CERK: variants seen among roughly 807,000 people sequenced by gnomAD.
CERK encodes the protein acylsphingosine kinase.
In CERK, 39 loss-of-function variants were observed where a neutral mutation model predicts 63.4. The ratio of observed to expected loss-of-function variants is 0.61; its 90% CI spans 0.48 to 0.80. CERK has a LOEUF of 0.80. CERK is among the 30% of genes least tolerant of loss of function. The pLI, the probability that CERK is intolerant of heterozygous loss-of-function variation, is 0.00. For missense variants in CERK, 670 were observed against 714.1 expected, an observed-to-expected ratio of 0.94 and a Z score of 0.70; for synonymous variants, 302 against 280.0, an observed-to-expected ratio of 1.08 and a Z score of -0.78.
intron 1 of CERK, among the ~76,000 whole-genome samples, chr22:46,736,334 G>A (rs999762358): frequency 4.6e-5 from 7 of 152,234 alleles, no homozygotes; most frequent in Non-Finnish European, 8.8e-5. Context: ...AGGGTCTGGC[G>A]TCTCTGCGGC....
At chr22:46,728,527 T>C (rs1050749332) in intron 1 of CERK, among the ~76,000 whole-genome samples, 3 of 152,114 alleles carry the variant, frequency 2.0e-5, no homozygotes, top group African/African-American at 7.2e-5. Flanking sequence ...GCTATGAGGA[T>C]CCCATTGGGT....
intron 7 of CERK, among the ~76,000 whole-genome samples, chr22:46,700,645 C>T (rs969950884): frequency 2.6e-5 from 4 of 151,936 alleles, no homozygotes; most frequent in South Asian, 2.1e-4. Flanking sequence ...TTCTGGAGGT[C>T]GAGGCTACAG....
At chr22:46,724,670 G>T (rs973429822) in intron 1 of CERK, among the ~76,000 whole-genome samples, 1 of 152,202 alleles carries the variant, frequency 6.6e-6, no homozygotes, top group Non-Finnish European at 1.5e-5. Flanking sequence ...GATAAAGGGT[G>T]AAAAAGTTTC....
In CERK at chr22:46,686,980, A is replaced by G. The variant is rs536120146; in HGVS notation, c.*154T>C. 4.2e-6 allele frequency: 3 copies of G among 709,534 alleles called. No individual in the cohort carries two copies. In the East Asian group the frequency reaches 8.3e-5, roughly 20 times the overall value. 44.0% of individuals were successfully genotyped at this position (709,534 alleles called of 1,614,324 possible). A position where few individuals can be genotyped will look rare whatever the true frequency, so the allele number is the denominator to read the frequency against. ...ACTGAAAATGCCAAATATGTACACAAAATTGTTGACAAAAGGGTTTTCTTC... is the reference window on the plus strand; with the variant it reads ...ACTGAAAATGCCAAATATGTACACAGAATTGTTGACAAAAGGGTTTTCTTC... On this transcript the variant is annotated 3_prime_UTR_variant, in exon 13 of 13. Coordinates refer to ENST00000216264, the MANE Select transcript of CERK (RefSeq NM_022766.6).
chr22:46,702,145 T>C (rs1193335861), intron 6 of CERK, among the ~76,000 whole-genome samples: 4 of 125,936 alleles, frequency 3.2e-5, no homozygotes, highest in African/African-American at 1.2e-4. Context: ...CGCGCCACTA[T>C]CCAGCCTGGG....
At chr22:46,737,813 G>A (rs1054979637) in intron 1 of CERK, among the ~76,000 whole-genome samples, 194 bp downstream of exon 1, 1 of 152,144 alleles carries the variant, frequency 6.6e-6, no homozygotes, top group East Asian at 1.9e-4. Context: ...GGAGCAGACG[G>A]CGGCGCACAG....
intron 8 of CERK, among the ~76,000 whole-genome samples, chr22:46,696,396 C>T (rs16995586): frequency 4.8e-4 from 73 of 152,258 alleles, no homozygotes; most frequent in African/African-American, 1.7e-3. Flanking sequence ...GTCGTGTCCA[C>T]GGCCCTGGGA....
intron 6 of CERK, among the ~76,000 whole-genome samples, chr22:46,704,263 G>A (rs748282762): frequency 5.3e-5 from 8 of 152,222 alleles, no homozygotes; most frequent in East Asian, 1.9e-4. Flanking sequence ...CTCCTGAGCC[G>A]CAGGTCTCAG....
intron 7 of CERK, 45 bp from the exon 8 acceptor site, chr22:46,699,510 C>A (rs1427764139): frequency 6.2e-7 from 1 of 1,600,014 alleles, no homozygotes; most frequent in Non-Finnish European, 8.6e-7. Context: ...CCCCTCCAGC[C>A]CCGCCCCATC....
In CERK at chr22:46,701,674, G is replaced by A. The variant is rs752339759; in HGVS notation, c.752C>T (p.Thr251Ile). 7 of 1,559,356 alleles carry A rather than the reference G, an allele frequency of 4.5e-6. No individual in the cohort carries two copies. The highest frequency in any genetic ancestry group is 6.1e-6 in the Non-Finnish European group (7 of 1,151,474). ...CAGCGCCGAGGTTTCTGCGTCGCTGGTGCCCACGGTGGAGTAACACACGCA... is the reference window on the plus strand; with the variant it reads ...CAGCGCCGAGGTTTCTGCGTCGCTGATGCCCACGGTGGAGTAACACACGCA... ...TDCVCYSTVG[T>I]SDAETSALHI... is the part of the protein sequence containing the mutation. The change falls in exon 7 of 13, where the codon ACC (threonine) becomes ATC (isoleucine). Residue 251 changes from threonine (T) to isoleucine (I), a missense_variant. Thr to Ile is a moderately conservative substitution (Grantham distance 89). Coordinates refer to ENST00000216264, the MANE Select transcript of CERK (RefSeq NM_022766.6).
rs533868660 is a variant in CERK at position 46,700,154 on chromosome 22, G to A, written c.791-689C>T. Among the ~76,000 whole-genome samples the A allele has an allele frequency of 2.6e-5, 4 of 152,126 alleles. No individual in the cohort carries two copies. The South Asian group carries it at 8.3e-4, about 31-fold the overall frequency. ...CCTGTAAGTAACCCCAGCACTTTGG[G>A]AGGCTGAGGTGGGTGGATCACCTGA... On this transcript the variant is annotated intron_variant, in intron 7 of 12. Transcript: ENST00000216264.
At chr22:46,727,204 A>G (rs1357034259) in intron 1 of CERK, among the ~76,000 whole-genome samples, 2 of 152,166 alleles carry the variant, frequency 1.3e-5, no homozygotes, top group Admixed American at 6.5e-5. Flanking sequence ...CCTGCCAATC[A>G]TAACTTACTG....
chr22:46,720,341 A>G (rs1370065830), intron 2 of CERK, 133 bp from the exon 3 acceptor site: 26 of 978,900 alleles, frequency 2.7e-5, no homozygotes, highest in Non-Finnish European at 4.4e-6. Flanking sequence ...CTCCCTTCTA[A>G]TTAGTAACTT....
intron 9 of CERK, among the ~76,000 whole-genome samples, chr22:46,694,392 G>T (rs1220463151): frequency 6.6e-6 from 1 of 152,178 alleles, no homozygotes; most frequent in Non-Finnish European, 1.5e-5. Context: ...AGATATGCCA[G>T]GTGAAAGGAG....
At chr22:46,694,336 A>G (rs17151) in intron 9 of CERK, among the ~76,000 whole-genome samples, 17,564 of 152,084 alleles carry the variant, frequency 0.12, 1,114 homozygotes, top group Admixed American at 0.17. Context: ...GGTTCTATTT[A>G]CACTGGTCGC....
At chr22:46,717,478 G>C (rs2146576833) in intron 3 of CERK, among the ~76,000 whole-genome samples, 1 of 152,372 alleles carries the variant, frequency 6.6e-6, no homozygotes, top group East Asian at 1.9e-4. Context: ...CCACGCGAGA[G>C]CGTGGAAAAT....
chr22:46,692,185 G>T (rs1435368966), intron 10 of CERK, among the ~76,000 whole-genome samples: 1 of 152,090 alleles, frequency 6.6e-6, no homozygotes, highest in Non-Finnish European at 1.5e-5. Context: ...CCAGCACTTT[G>T]GGAGGCCGAG....
chr22:46,713,433 C>T lies in CERK; in HGVS notation c.380-1140G>A, dbSNP rs567090093. ...CTGAGGCAGGAGAATGGCATGAACCCGGGAGGCGGAGCTGGCAGTGAGCCA... is the reference window on the plus strand; with the variant it reads ...CTGAGGCAGGAGAATGGCATGAACCTGGGAGGCGGAGCTGGCAGTGAGCCA... On this transcript the variant is annotated intron_variant, in intron 3 of 12. Coordinates refer to ENST00000216264, the MANE Select transcript of CERK (RefSeq NM_022766.6). 4.5e-5 allele frequency among the ~76,000 whole-genome samples: 6 copies of T among 134,672 alleles called. No individual in the cohort carries two copies. The East Asian group carries it at 1.0e-3, about 23-fold the overall frequency. The allele number at this position is 134,672 out of a possible 152,430, so 88.4% of individuals were successfully genotyped here. A position where few individuals can be genotyped will look rare whatever the true frequency, so the allele number is the denominator to read the frequency against.
intron 6 of CERK, among the ~76,000 whole-genome samples, chr22:46,702,085 G>A (rs2082787728): frequency 6.7e-6 from 1 of 150,160 alleles, no homozygotes; most frequent in Non-Finnish European, 1.5e-5. Context: ...GGAGGCTAAA[G>A]CAGGAGAATC....
Sources: allele counts gnomAD v4.1 joint callset (sites outside exome capture counted in the v4.1 genomes callset), GRCh38; gene constraint gnomAD v4.1.1; transcripts MANE v1.5; gene names NCBI Gene and HGNC (gene_info 2026-07-23, HGNC 2026-07-21).